The following PRRG1 variants were observed in gnomAD, a reference collection of about 807,000 sequenced individuals.
PRRG1 encodes transmembrane gamma-carboxyglutamic acid protein 1.
Under a neutral mutation model 11.8 loss-of-function variants are expected in PRRG1, and 5 were observed. The ratio of observed to expected loss-of-function variants is 0.42; its 90% confidence interval spans 0.22 to 0.89. The LOEUF (loss-of-function observed/expected upper bound fraction) is 0.89, where lower values mean the gene tolerates loss of function less well. PRRG1 is among the 40% of genes least tolerant of loss of function. PRRG1 has a pLI of 0.28. For missense variants in PRRG1, 155 were observed against 166.1 expected (o/e 0.93, Z 0.37); for synonymous variants, 66 against 60.4 (o/e 1.09, Z -0.43).
intron 1 of PRRG1, among the ~76,000 whole-genome samples, chrX:37,356,253 A>G (rs957716353): frequency 9.0e-6 from 1 of 111,681 alleles, no homozygotes; most frequent in Admixed American, 9.5e-5. Flanking sequence ...GGGAAGGTGA[A>G]TGGGGGGACC....
intron 3 of PRRG1, among the ~76,000 whole-genome samples, chrX:37,446,985 C>A (rs781847159): frequency 1.8e-4 from 20 of 111,616 alleles, no homozygotes; most frequent in African/African-American, 6.5e-4. Context: ...CCTCCCACTA[C>A]AGCCCATCTC....
In PRRG1 at chrX:37,433,294, C is replaced by A. The variant is rs782125694; in HGVS notation, c.171+7294C>A. Among the ~76,000 whole-genome samples, 16 of 111,992 alleles carry A rather than the reference C, an allele frequency of 1.4e-4. No individual in the cohort carries two copies. In the Admixed American group the frequency reaches 1.5e-3, roughly 11 times the overall value. On this transcript the variant is annotated intron_variant, in intron 3 of 3. Transcript: ENST00000378628. ...AGCTTCACTCGATATATAGTTATTT[C>A]TTTACCACATCTCCTATGACACCCC... is the stretch of plus-strand genomic sequence containing the variant.
chrX:37,397,863 G>T (rs868972749), intron 1 of PRRG1, among the ~76,000 whole-genome samples: 1 of 85,290 alleles, frequency 1.2e-5, no homozygotes, highest in African/African-American at 1.0e-4. Context: ...CTGCTTTGTT[G>T]TTATTGTTTT....
intron 1 of PRRG1, among the ~76,000 whole-genome samples, chrX:37,355,861 T>C (rs1930217782): frequency 8.9e-6 from 1 of 112,615 alleles, no homozygotes; most frequent in African/African-American, 3.2e-5. Context: ...AAGTGTATTT[T>C]TCTTCAACTT....
At chrX:37,423,228 T>A (rs961796207) in intron 2 of PRRG1, among the ~76,000 whole-genome samples, 2 of 110,317 alleles carry the variant, frequency 1.8e-5, no homozygotes, top group Non-Finnish European at 3.8e-5. Flanking sequence ...TTAACAAAAA[T>A]TAACTTTTTT....
At chrX:37,427,742 A>T (rs1339716721) in intron 3 of PRRG1, among the ~76,000 whole-genome samples, 1 of 111,866 alleles carries the variant, frequency 8.9e-6, no homozygotes, top group South Asian at 3.7e-4. Flanking sequence ...ATTTCACTTA[A>T]TATAACGTCC....
rs187773350 is a variant in PRRG1 at position 37,380,979 on chromosome X, C to G, written c.-41-25230C>G. Reference sequence around the variant, plus strand: ...AATTCTTAGGGAACCAAGGCTACCCCCAAATGAACTATAATACTTTGCCCT... The same window carrying G: ...AATTCTTAGGGAACCAAGGCTACCCGCAAATGAACTATAATACTTTGCCCT... On this transcript the variant is annotated intron_variant, in intron 1 of 3. Coordinates refer to ENST00000378628, the MANE Select transcript of PRRG1 (RefSeq NM_001142395.2). Among the ~76,000 whole-genome samples, 5 of 111,642 alleles carry G rather than the reference C, an allele frequency of 4.5e-5. No homozygotes were observed. In the East Asian group the frequency reaches 1.4e-3, roughly 31 times the overall value.
At chrX:37,399,082 A>C (rs1185849424) in intron 1 of PRRG1, among the ~76,000 whole-genome samples, 15 of 112,147 alleles carry the variant, frequency 1.3e-4, no homozygotes, top group East Asian at 5.6e-4. Context: ...GGAGAACTTC[A>C]CCAATCTAGC....
In PRRG1 at chrX:37,409,461, A is replaced by T. The variant is rs1482421165; in HGVS notation, c.10+3202A>T. Among the ~76,000 whole-genome samples the T allele has an allele frequency of 2.7e-5, 3 of 112,353 alleles. No individual in the cohort carries two copies. The Admixed American group carries it at 2.8e-4, about 11-fold the overall frequency. On this transcript the variant is annotated intron_variant, in intron 2 of 3. Transcript: ENST00000378628. ...GGGCATGGTAATGTAATCTGCAAAG[A>T]TAGGCATGTTTCCAGGCTGGTGATG...
In PRRG1 at chrX:37,447,486, CTCT is replaced by C. The variant is rs782350241; in HGVS notation, c.172-5644_172-5642del. On this transcript the variant is annotated intron_variant, in intron 3 of 3. Transcript: ENST00000378628. Reference sequence around the variant, plus strand: ...AAGAACTAAGCTGCAATAATTCATTCTCTTCTTCAGGCACCAAGTTTAGCTCAA... The same window carrying C: ...AAGAACTAAGCTGCAATAATTCATTCTCTTCAGGCACCAAGTTTAGCTCAA... Among the ~76,000 whole-genome samples the C allele has an allele frequency of 2.7e-5, 3 of 112,361 alleles. No homozygotes were observed. The South Asian group carries it at 1.1e-3, about 42-fold the overall frequency.
intron 1 of PRRG1, among the ~76,000 whole-genome samples, chrX:37,364,699 T>C (rs1930515557): frequency 8.9e-6 from 1 of 111,937 alleles, no homozygotes; most frequent in Non-Finnish European, 1.9e-5. Flanking sequence ...TAGAGTTAAC[T>C]CTCACCTCCC....
chrX:37,436,800 G>C (rs1932889543), intron 3 of PRRG1, among the ~76,000 whole-genome samples: 1 of 111,995 alleles, frequency 8.9e-6, no homozygotes, highest in Admixed American at 9.4e-5. Context: ...CAAACATGGG[G>C]CATTGCTGTG....
chrX:37,441,507 T>C (rs11266222), intron 3 of PRRG1: 79,319 of 754,114 alleles, frequency 0.11, 9,721 homozygotes, highest in African/African-American at 0.72. Flanking sequence ...GCTCACCACA[T>C]CCCAAGGTGC....
At chrX:37,373,004 T>A (rs1397039051) in intron 1 of PRRG1, among the ~76,000 whole-genome samples, 2 of 112,325 alleles carry the variant, frequency 1.8e-5, no homozygotes, top group African/African-American at 6.5e-5. Context: ...AGTTTCACTC[T>A]TTTGCATGTG....
At chrX:37,436,565 C>A (rs371451134) in intron 3 of PRRG1, among the ~76,000 whole-genome samples, 142 of 112,005 alleles carry the variant, frequency 1.3e-3, no homozygotes, top group African/African-American at 4.2e-3. Flanking sequence ...AAAAATTGAT[C>A]ACTAGGTCCT....
intron 1 of PRRG1, among the ~76,000 whole-genome samples, chrX:37,383,034 T>C (rs191457453): frequency 8.9e-6 from 1 of 111,807 alleles, no homozygotes; most frequent in East Asian, 2.8e-4. Context: ...CACATTATTT[T>C]TAGATTTTCT....
intron 3 of PRRG1, among the ~76,000 whole-genome samples, chrX:37,444,329 C>T (rs1190130381): frequency 1.8e-5 from 2 of 111,887 alleles, no homozygotes; most frequent in Non-Finnish European, 3.8e-5. Flanking sequence ...CAGGTCACTG[C>T]GGATTCTTCT....
At chrX:37,368,236 T>C (rs782347793) in intron 1 of PRRG1, among the ~76,000 whole-genome samples, 4 of 112,486 alleles carry the variant, frequency 3.6e-5, no homozygotes, top group Non-Finnish European at 1.9e-5. Flanking sequence ...TTTGCTGATT[T>C]TGTTTTTCTA....
intron 1 of PRRG1, among the ~76,000 whole-genome samples, chrX:37,361,344 A>G (rs1193438124): frequency 1.8e-5 from 2 of 110,923 alleles, no homozygotes; most frequent in African/African-American, 6.6e-5. Flanking sequence ...TCAGTCAAAA[A>G]AAAAAAAAAA....
Sources: gnomAD v4.1 joint callset for allele counts (sites outside exome capture counted in the v4.1 genomes callset) on GRCh38, gnomAD v4.1.1 for gene constraint, MANE v1.5 for transcripts, NCBI Gene and HGNC (gene_info 2026-07-23, HGNC 2026-07-21) for gene names.